Variants in HSD17B12 observed in about 807,000 individuals in gnomAD.
HSD17B12 encodes the protein hydroxysteroid 17-beta dehydrogenase 12.
A neutral mutation model predicts 39.3 loss-of-function variants in HSD17B12; 32 were observed. The observed-to-expected ratio is 0.81, with a 90% CI of 0.61 to 1.09. The LOEUF is 1.09. Among genes scored for constraint, HSD17B12 ranks in the 50% least tolerant of loss-of-function variants. HSD17B12 has a pLI of 0.00. For synonymous variants in HSD17B12, 150 were observed against 146.7 expected (o/e 1.02, Z -0.16); for missense variants, 342 against 382.9 (o/e 0.89, Z 0.89).
rs538525801 is a variant in HSD17B12 at position 43,855,110 on chromosome 11, A to G, written c.835-34A>G. 432 of 1,388,370 alleles carry G rather than the reference A, an allele frequency of 3.1e-4. 5 individuals carry two copies. In the South Asian group the frequency reaches 4.8e-3, roughly 15 times the overall value. The allele number at this position is 1,388,370 out of a possible 1,614,324, so 86.0% of individuals were successfully genotyped here. A position where few individuals can be genotyped will look rare whatever the true frequency, so the allele number is the denominator to read the frequency against. Reference sequence around the variant, plus strand: ...TTCAATTTAGCCCAAATTGTAGGCTATAATTACATATCTCTCTCATTCTGT... The same window carrying G: ...TTCAATTTAGCCCAAATTGTAGGCTGTAATTACATATCTCTCTCATTCTGT... On this transcript the variant is annotated intron_variant, in intron 10 of 10. Coordinates refer to ENST00000278353, the MANE Select transcript of HSD17B12 (RefSeq NM_016142.3).
At chr11:43,586,273 G>A in the HSD17B12 span, among the ~76,000 whole-genome samples, 18 of 152,348 alleles carry the variant, frequency 1.2e-4, no homozygotes, top group Middle Eastern at 3.4e-3. Context: ...GGCATCATGA[G>A]AAGGTTAGGT....
chr11:43,559,092 T>C, the HSD17B12 span, among the ~76,000 whole-genome samples: 1 of 152,178 alleles, frequency 6.6e-6, no homozygotes, highest in Non-Finnish European at 1.5e-5. Context: ...CTGAAGGTCC[T>C]GCTCCAAGAA....
intron 6 of HSD17B12, among the ~76,000 whole-genome samples, chr11:43,827,042 T>C (rs928089345): frequency 1.3e-5 from 2 of 152,224 alleles, no homozygotes; most frequent in African/African-American, 4.8e-5. Context: ...TTTTAGTTAC[T>C]TGGATTCAGA....
intron 3 of HSD17B12, among the ~76,000 whole-genome samples, chr11:43,774,016 T>C (rs59452603): frequency 1.1e-3 from 160 of 152,272 alleles, no homozygotes; most frequent in African/African-American, 3.7e-3. Flanking sequence ...CTAGGTCACA[T>C]ATGTGTATGC....
intron 1 of HSD17B12, among the ~76,000 whole-genome samples, chr11:43,687,963 A>G (rs1477979682): frequency 6.6e-5 from 10 of 152,164 alleles, no homozygotes; most frequent in African/African-American, 1.9e-4. Context: ...TGTAATTCCA[A>G]CACTTTGGGA....
chr11:43,619,725 A>G, the HSD17B12 span, among the ~76,000 whole-genome samples: 2 of 152,090 alleles, frequency 1.3e-5, no homozygotes, highest in South Asian at 2.1e-4. Flanking sequence ...GAATAGCTGG[A>G]TCATGTATAC....
chr11:43,695,573 C>G lies in HSD17B12; in HGVS notation c.160+14586C>G, dbSNP rs372426095. Among the ~76,000 whole-genome samples the G allele has an allele frequency of 2.0e-5, 3 of 151,686 alleles. No individual in the cohort carries two copies. In the East Asian group the frequency reaches 5.8e-4, roughly 29 times the overall value. Reference sequence around the variant, plus strand: ...CGCCTGGGCAACAAGAGCAAAACTTCGTCTCAAAAAAAAATCTTTATTATG... The same window carrying G: ...CGCCTGGGCAACAAGAGCAAAACTTGGTCTCAAAAAAAAATCTTTATTATG... On this transcript the variant is annotated intron_variant, in intron 1 of 10. Transcript: ENST00000278353.
chr11:43,604,906 A>T, the HSD17B12 span, among the ~76,000 whole-genome samples: 3 of 152,362 alleles, frequency 2.0e-5, no homozygotes, highest in East Asian at 5.8e-4. Context: ...GCCCTTCTGT[A>T]ACCTTAGCAG....
At chr11:43,626,017 A>G in the HSD17B12 span, among the ~76,000 whole-genome samples, 2 of 151,660 alleles carry the variant, frequency 1.3e-5, no homozygotes, top group Non-Finnish European at 3.0e-5. Flanking sequence ...TAAAAGGAAG[A>G]TGAAATAATT....
At chr11:43,774,738 C>G (rs1327225130) in intron 3 of HSD17B12, among the ~76,000 whole-genome samples, 2 of 152,086 alleles carry the variant, frequency 1.3e-5, no homozygotes, top group Non-Finnish European at 2.9e-5. Context: ...AGACATGATC[C>G]AAGTAAGATA....
chr11:43,785,452 G>A (rs10400325), intron 3 of HSD17B12, among the ~76,000 whole-genome samples: 33,534 of 152,066 alleles, frequency 0.22, 3,916 homozygotes, highest in Middle Eastern at 0.37. Flanking sequence ...TCAAGCTTTG[G>A]CTGTGCATAG....
At chr11:43,727,406 G>C (rs982405179) in intron 1 of HSD17B12, among the ~76,000 whole-genome samples, 8 of 152,142 alleles carry the variant, frequency 5.3e-5, no homozygotes, top group Admixed American at 5.2e-4. Context: ...TTTCAGGGGA[G>C]TCCCAGTTTA....
At chr11:43,833,098 G>A (rs991642859) in intron 7 of HSD17B12, 2 of 151,772 alleles carry the variant, frequency 1.3e-5, no homozygotes, top group African/African-American at 4.9e-5. Context: ...GAAATGGTGG[G>A]AAGTTTTCAG....
intron 4 of HSD17B12, among the ~76,000 whole-genome samples, chr11:43,810,388 T>C (rs1951060210): frequency 7.8e-6 from 1 of 128,180 alleles, no homozygotes; most frequent in Admixed American, 7.5e-5. Flanking sequence ...TATATATATA[T>C]ATATATATAT....
At chr11:43,749,262 T>A (rs1415908483) in intron 1 of HSD17B12, among the ~76,000 whole-genome samples, 1 of 152,166 alleles carries the variant, frequency 6.6e-6, no homozygotes, top group Non-Finnish European at 1.5e-5. Flanking sequence ...GGAGAGGGGT[T>A]ATAGACATGG....
At chr11:43,834,967 G>A (rs1951354876) in intron 7 of HSD17B12, among the ~76,000 whole-genome samples, 1 of 152,142 alleles carries the variant, frequency 6.6e-6, no homozygotes, top group Non-Finnish European at 1.5e-5. Context: ...TAGCAAGTAA[G>A]CAGTATAATG....
chr11:43,734,251 C>T (rs1358559899), intron 1 of HSD17B12: 6 of 1,355,918 alleles, frequency 4.4e-6, no homozygotes, highest in Non-Finnish European at 5.2e-6. Flanking sequence ...TCCTGGACTA[C>T]GTGTCCTTGA....
the HSD17B12 span, among the ~76,000 whole-genome samples, chr11:43,619,389 CTTTTCTTTTTTTTT>C: frequency 8.4e-6 from 1 of 119,632 alleles, no homozygotes; most frequent in Non-Finnish European, 1.8e-5. Flanking sequence ...TTTTCTTTTT[CTTTTCTTTTTTTTT>C]TTTGAGATGG....
the HSD17B12 span, among the ~76,000 whole-genome samples, chr11:43,603,101 A>G: frequency 6.6e-6 from 1 of 152,220 alleles, no homozygotes; most frequent in Non-Finnish European, 1.5e-5. Context: ...GACTGGCAGA[A>G]TACTAGTTGA....
Sources: allele counts gnomAD v4.1 joint callset (sites outside exome capture counted in the v4.1 genomes callset), GRCh38; gene constraint gnomAD v4.1.1; transcripts MANE v1.5; gene names NCBI Gene and HGNC (gene_info 2026-07-23, HGNC 2026-07-21).